ATF7: variants seen among roughly 807,000 people sequenced by gnomAD.
ATF7 encodes activating transcription factor 7.
ATF7 carries 10 observed loss-of-function variants against 50.4 expected under a neutral mutation model. That is an observed-to-expected ratio of 0.20 (90% CI 0.12 to 0.34). The LOEUF (loss-of-function observed/expected upper bound fraction) is 0.34, where lower values mean the gene tolerates loss of function less well. Among genes scored for constraint, ATF7 ranks in the 10% least tolerant of loss-of-function variants. The pLI is 1.00. For synonymous variants in ATF7, 201 were observed against 226.4 expected (o/e 0.89, Z 1.01); for missense variants, 465 against 613.9 (o/e 0.76, Z 2.56).
rs1382880344 is a variant in ATF7, at chr12:53,549,323, C to CA, written c.145+3217dup. Among the ~76,000 whole-genome samples the CA allele has an allele frequency of 3.2e-3, 435 of 135,206 alleles. 5 individuals carry two copies. The highest frequency in any genetic ancestry group is 8.7e-3 in the African/African-American group (321 of 36,814). The allele number at this position is 135,206 out of a possible 152,430, so 88.7% of individuals were successfully genotyped here. A position where few individuals can be genotyped will look rare whatever the true frequency, so the allele number is the denominator to read the frequency against. ...AGAAAGAAAAAAATACCCCCCAAAA[C>CA]AAAAAAAAAACAAATTCAAACTTGG... On this transcript the variant is annotated intron_variant, in intron 3 of 11. Coordinates refer to ENST00000420353, the MANE Select transcript of ATF7 (RefSeq NM_006856.3).
At chr12:53,539,243 G>T (rs1418573013) in intron 4 of ATF7, among the ~76,000 whole-genome samples, 1 of 152,222 alleles carries the variant, frequency 6.6e-6, no homozygotes, top group African/African-American at 2.4e-5. Flanking sequence ...CTTTTTATGG[G>T]AAGCTAATTT....
At position 53,512,921 on chromosome 12, in the gene ATF7, C is replaced by G. The variant is rs1944172683; in HGVS notation, c.*4216G>C. 1 of 152,152 alleles carries G rather than the reference C, an allele frequency of 6.6e-6. No individual in the cohort carries two copies. The highest frequency in any genetic ancestry group is 6.5e-5 in the Admixed American group (1 of 15,282). 9.4% of individuals were successfully genotyped at this position (152,152 alleles called of 1,614,324 possible). On this transcript the variant is annotated 3_prime_UTR_variant, in exon 12 of 12. Transcript: ENST00000420353. ...TTGGAGTGCTTTTAAACCCTGCCCCCAGAGTCTGTGATTCAATAAGTCTGG... is the reference window on the plus strand; with the variant it reads ...TTGGAGTGCTTTTAAACCCTGCCCCGAGAGTCTGTGATTCAATAAGTCTGG...
chr12:53,613,718 A>G (rs1484734311), intron 1 of ATF7, among the ~76,000 whole-genome samples: 2 of 151,846 alleles, frequency 1.3e-5, no homozygotes, highest in Non-Finnish European at 2.9e-5. Flanking sequence ...ACAAGGTCTC[A>G]CTATATTACC....
At chr12:53,560,017 G>A (rs957927327) in intron 2 of ATF7, among the ~76,000 whole-genome samples, 3 of 151,964 alleles carry the variant, frequency 2.0e-5, no homozygotes, top group South Asian at 4.2e-4. Context: ...CCGCCTCCTG[G>A]GTTCAAGTGA....
chr12:53,536,276 T>A (rs1439381573), intron 5 of ATF7, among the ~76,000 whole-genome samples: 1 of 151,740 alleles, frequency 6.6e-6, no homozygotes, highest in East Asian at 1.9e-4. Flanking sequence ...AATTATTAGT[T>A]CACTTTTTTT....
intron 2 of ATF7, among the ~76,000 whole-genome samples, chr12:53,595,185 G>A (rs1943104706): frequency 6.6e-6 from 1 of 152,128 alleles, no homozygotes; most frequent in African/African-American, 2.4e-5. Context: ...TCTTGGCAGA[G>A]GGTGGGGAAA....
intron 5 of ATF7, 138 bp from the exon 6 acceptor site, chr12:53,534,797 G>GTC: frequency 5.0e-6 from 5 of 991,830 alleles, no homozygotes; most frequent in Non-Finnish European, 7.4e-6. Context: ...ATTCCATCAG[G>GTC]ATCAGGGACC....
chr12:53,543,178 G>T, intron 4 of ATF7, 152 bp downstream of exon 4: 1 of 1,531,502 alleles, frequency 6.5e-7, no homozygotes, highest in Non-Finnish European at 8.8e-7. Context: ...ATGGCTGACT[G>T]GGATTAGTGA....
At chr12:53,572,208 A>G (rs1941803251) in intron 2 of ATF7, among the ~76,000 whole-genome samples, 1 of 152,234 alleles carries the variant, frequency 6.6e-6, no homozygotes, top group Non-Finnish European at 1.5e-5. Context: ...CTATCCTAAC[A>G]ACAAATAAAA....
chr12:53,608,018 G>C (rs1943685430), intron 1 of ATF7, among the ~76,000 whole-genome samples: 1 of 152,020 alleles, frequency 6.6e-6, no homozygotes, highest in African/African-American at 2.4e-5. Context: ...AAGAGATCGA[G>C]ACCATCCTGG....
chr12:53,551,896 G>C (rs74089626), intron 3 of ATF7, among the ~76,000 whole-genome samples: 12 of 152,322 alleles, frequency 7.9e-5, no homozygotes, highest in African/African-American at 2.9e-4. Flanking sequence ...TGGTACAGCA[G>C]AATTGCTGCC....
chr12:53,557,531 T>A (rs1467594058), intron 2 of ATF7, among the ~76,000 whole-genome samples: 2 of 152,228 alleles, frequency 1.3e-5, no homozygotes, highest in African/African-American at 4.8e-5. Context: ...TTAAAGGATC[T>A]TCCTTTGTTC....
At chr12:53,532,232 C>G (rs541621559) in intron 8 of ATF7, among the ~76,000 whole-genome samples, 6 of 152,294 alleles carry the variant, frequency 3.9e-5, no homozygotes, top group South Asian at 4.1e-4. Flanking sequence ...CCCACTCGCC[C>G]ACCCTCCATC....
intron 2 of ATF7, among the ~76,000 whole-genome samples, chr12:53,559,324 C>T (rs1340746282): frequency 6.6e-6 from 1 of 151,762 alleles, no homozygotes; most frequent in African/African-American, 2.4e-5. Context: ...CTCAGCCTTC[C>T]AAAGTGCTGG....
At chr12:53,591,830 G>A (rs939207920) in intron 2 of ATF7, among the ~76,000 whole-genome samples, 1 of 152,142 alleles carries the variant, frequency 6.6e-6, no homozygotes, top group African/African-American at 2.4e-5. Context: ...GCTGAATGTC[G>A]AACAGAGCAC....
chr12:53,548,184 A>T (rs917827398), intron 3 of ATF7, among the ~76,000 whole-genome samples: 1 of 151,110 alleles, frequency 6.6e-6, no homozygotes, highest in Non-Finnish European at 1.5e-5. Flanking sequence ...AATTTTTAAA[A>T]TTTTTTGTTA....
At chr12:53,584,986 T>C (rs1206496356) in intron 2 of ATF7, among the ~76,000 whole-genome samples, 1 of 152,138 alleles carries the variant, frequency 6.6e-6, no homozygotes, top group Admixed American at 6.5e-5. Context: ...ATTTTATATA[T>C]TGATTTGACA....
intron 6 of ATF7, 142 bp downstream of exon 6, chr12:53,534,359 AT>A (rs1939095776): frequency 2.4e-6 from 3 of 1,249,980 alleles, no homozygotes; most frequent in Non-Finnish European, 3.5e-6. Flanking sequence ...GATTCTGTTT[AT>A]GGGGGAAAAA....
chr12:53,623,891 G>A (rs7964059), intron 1 of ATF7, among the ~76,000 whole-genome samples: 19,375 of 152,218 alleles, frequency 0.13, 1,301 homozygotes, highest in Admixed American at 0.19. Flanking sequence ...GATACAGTAA[G>A]TAGAGCTATT....
Sources: allele counts gnomAD v4.1 joint callset (sites outside exome capture counted in the v4.1 genomes callset), GRCh38; gene constraint gnomAD v4.1.1; transcripts MANE v1.5; gene names NCBI Gene and HGNC (gene_info 2026-07-23, HGNC 2026-07-21).